Variants in RAB27B observed in about 807,000 individuals in gnomAD.
RAB27B encodes the protein ras-related protein Rab-27B.
In RAB27B, 15 loss-of-function variants were observed where a neutral mutation model predicts 24.6. That is an observed-to-expected ratio of 0.61 (90% CI 0.41 to 0.94). RAB27B has a LOEUF of 0.94. RAB27B is among the 40% of genes least tolerant of loss of function. The pLI is 0.00. For synonymous variants in RAB27B, 105 were observed against 92.5 expected (o/e 1.14, Z -0.78); for missense variants, 261 against 266.8 (o/e 0.98, Z 0.15).
chr18:54,889,292 A>G lies in RAB27B; in HGVS notation c.536A>G (p.Asp179Gly). Residue 179 changes from aspartate to glycine, a missense_variant, in exon 6 of 6, where the codon GAC becomes GGC. Transcript: ENST00000262094. ...GAGAAAGCTGTAGAAACCCTTTTGG[A>G]CTTAATCATGAAGCGAATGGAACAG... ...NVEKAVETLL[D>G]LIMKRMEQCV... The G allele has an allele frequency of 1.2e-6, 2 of 1,613,476 alleles. No individual in the cohort carries two copies. Among genetic ancestry groups the G allele is most frequent in the South Asian group, 1.1e-5 (1 of 91,032 alleles).
upstream of RAB27B, among the ~76,000 whole-genome samples, chr18:54,825,171 T>C (rs1332056480): frequency 1.3e-5 from 2 of 152,240 alleles, no homozygotes; most frequent in East Asian, 3.8e-4. Flanking sequence ...TTATTGCTCT[T>C]GAGAAATCCA....
chr18:54,763,403 A>T (rs1323581596), intron 2 of RAB27B, among the ~76,000 whole-genome samples: 1 of 152,168 alleles, frequency 6.6e-6, no homozygotes, highest in Non-Finnish European at 1.5e-5. Context: ...TATAGAGCCC[A>T]GGGAGGGAGA....
At chr18:54,754,315 C>T (rs1285456437) in intron 2 of RAB27B, among the ~76,000 whole-genome samples, 2 of 146,140 alleles carry the variant, frequency 1.4e-5, no homozygotes, top group East Asian at 3.9e-4. Flanking sequence ...CCTGAGGCCT[C>T]CCCAGCCATG....
intron 2 of RAB27B, among the ~76,000 whole-genome samples, chr18:54,753,257 G>GTGGC (rs1400196882): frequency 1.3e-5 from 2 of 152,186 alleles, no homozygotes; most frequent in Non-Finnish European, 2.9e-5. Flanking sequence ...TCATTGAAAT[G>GTGGC]TGGCAATGCC....
In RAB27B at chr18:54,895,130, G is replaced by C. The variant is rs1568122406; in HGVS notation, c.*5717G>C. 6.9e-6 allele frequency: 1 copy of C among 144,658 alleles called. No individual in the cohort carries two copies. Among genetic ancestry groups the C allele is most frequent in the Non-Finnish European group, 1.5e-5 (1 of 65,566 alleles). 9.0% of individuals were successfully genotyped at this position (144,658 alleles called of 1,614,324 possible). On this transcript the variant is annotated 3_prime_UTR_variant, in exon 6 of 6. Coordinates refer to ENST00000262094, the MANE Select transcript of RAB27B (RefSeq NM_004163.4). ...AATAAATTATCCTGCTTTAGTTAGT[G>C]TGTTAAAAGTAGACGATGTTCTAAT...
chr18:54,731,931 T>C, intron 2 of RAB27B, among the ~76,000 whole-genome samples: 1 of 152,220 alleles, frequency 6.6e-6, no homozygotes, highest in Admixed American at 6.5e-5. Flanking sequence ...CTGTCCGTGA[T>C]AAGTTTTAGT....
intron 1 of RAB27B, among the ~76,000 whole-genome samples, chr18:54,860,397 T>C (rs1433649687): frequency 6.6e-6 from 1 of 152,128 alleles, no homozygotes; most frequent in Non-Finnish European, 1.5e-5. Context: ...CCGAATCTCC[T>C]GTAACCAATG....
intron 1 of RAB27B, among the ~76,000 whole-genome samples, chr18:54,870,399 C>T (rs56184107): frequency 6.6e-6 from 1 of 151,840 alleles, no homozygotes; most frequent in African/African-American, 2.4e-5. Flanking sequence ...TAAAAGCAGC[C>T]AGCATGTTGC....
intron 2 of RAB27B, among the ~76,000 whole-genome samples, 170 bp downstream of exon 2, chr18:54,877,908 A>C (rs1302689956): frequency 6.6e-6 from 1 of 152,142 alleles, no homozygotes; most frequent in Non-Finnish European, 1.5e-5. Flanking sequence ...TATAAATAAC[A>C]TTTTCCTAGA....
intron 1 of RAB27B, among the ~76,000 whole-genome samples, chr18:54,837,161 G>C (rs1452965159): frequency 6.6e-6 from 1 of 152,116 alleles, no homozygotes; most frequent in Non-Finnish European, 1.5e-5. Flanking sequence ...TAAGTTTTCA[G>C]TTAGTGGTTT....
intron 3 of RAB27B, chr18:54,880,504 C>A (rs949717660): frequency 1.3e-5 from 2 of 152,120 alleles, no homozygotes; most frequent in African/African-American, 2.4e-5. Context: ...GAAATGCATC[C>A]AAAGCGTTCT....
intron 1 of RAB27B, among the ~76,000 whole-genome samples, chr18:54,862,378 C>A (rs1026552077): frequency 6.6e-6 from 1 of 152,200 alleles, no homozygotes; most frequent in African/African-American, 2.4e-5. Flanking sequence ...ATGTGCCAAG[C>A]TTTGCTGACA....
chr18:54,860,725 C>A (rs1911977953), intron 1 of RAB27B, among the ~76,000 whole-genome samples: 1 of 152,220 alleles, frequency 6.6e-6, no homozygotes, highest in African/African-American at 2.4e-5. Flanking sequence ...AGCTTCAAAT[C>A]ATGCACATCA....
chr18:54,760,045 T>G (rs1433204824), intron 2 of RAB27B, among the ~76,000 whole-genome samples: 2 of 152,176 alleles, frequency 1.3e-5, no homozygotes, highest in South Asian at 4.1e-4. Context: ...ATAAGCCATA[T>G]GCAGACAGCA....
At position 54,766,388 on chromosome 18, in the gene RAB27B, G is replaced by T. The variant is rs572058215; in HGVS notation, c.-20+48247G>T. On this transcript the variant is annotated intron_variant, in intron 2 of 4. Coordinates refer to the RAB27B transcript ENST00000586570. ...CAAAGAGCACCAGGTTAGGATTTGG[G>T]AGACCTGGGTTTCATTTCTGGCTTT... is the stretch of plus-strand genomic sequence containing the variant. Among the ~76,000 whole-genome samples, 23 of 152,256 alleles carry T rather than the reference G, an allele frequency of 1.5e-4. No homozygotes were observed. The East Asian group carries it at 4.1e-3, about 27-fold the overall frequency.
intron 2 of RAB27B, among the ~76,000 whole-genome samples, chr18:54,799,280 G>A (rs978599521): frequency 6.6e-6 from 1 of 152,188 alleles, no homozygotes; most frequent in Non-Finnish European, 1.5e-5. Context: ...GACAGAAAAT[G>A]TACCCCTAAC....
chr18:54,842,128 G>A (rs901516293), intron 1 of RAB27B, among the ~76,000 whole-genome samples: 2 of 152,198 alleles, frequency 1.3e-5, no homozygotes, highest in African/African-American at 4.8e-5. Context: ...TCATCACAGG[G>A]AAATTTAGTT....
upstream of RAB27B, among the ~76,000 whole-genome samples, chr18:54,825,788 A>C (rs1910451884): frequency 6.6e-6 from 1 of 152,116 alleles, no homozygotes; most frequent in South Asian, 2.1e-4. Flanking sequence ...GACAGTGGGG[A>C]AGGGAACTCT....
intron 2 of RAB27B, among the ~76,000 whole-genome samples, chr18:54,752,431 A>C (rs942408052): frequency 1.3e-5 from 2 of 152,214 alleles, no homozygotes; most frequent in African/African-American, 2.4e-5. Flanking sequence ...TCTCATGTGC[A>C]AACAAGATTG....
Sources: gnomAD v4.1 joint callset for allele counts (sites outside exome capture counted in the v4.1 genomes callset) on GRCh38, gnomAD v4.1.1 for gene constraint, MANE v1.5 for transcripts, NCBI Gene and HGNC (gene_info 2026-07-23, HGNC 2026-07-21) for gene names.